The following GRM8 variants were observed in gnomAD, a reference collection of about 807,000 sequenced individuals.
The protein encoded by GRM8 is metabotropic glutamate receptor 8.
In GRM8, 47 loss-of-function variants were observed where a neutral mutation model predicts 87.2. The observed-to-expected ratio is 0.54, with a 90% CI of 0.43 to 0.69. The LOEUF (loss-of-function observed/expected upper bound fraction) is 0.69, where lower values mean the gene tolerates loss of function less well. GRM8 is among the 30% of genes least tolerant of loss of function. The pLI is 0.00. For synonymous variants in GRM8, 396 were observed against 404.5 expected (o/e 0.98, Z 0.25); for missense variants, 1,019 against 1,139.2 (o/e 0.89, Z 1.52).
At chr7:126,642,589 G>A (rs1040138850) in intron 7 of GRM8, among the ~76,000 whole-genome samples, 4 of 151,964 alleles carry the variant, frequency 2.6e-5, no homozygotes, top group Non-Finnish European at 4.4e-5. Context: ...GCAGTGAGCC[G>A]AGATCATGCC....
intron 9 of GRM8, among the ~76,000 whole-genome samples, chr7:126,477,586 A>T (rs1259571135): frequency 1.7e-4 from 10 of 57,542 alleles, no homozygotes; most frequent in African/African-American, 9.3e-4. Flanking sequence ...AAAGAGAGAA[A>T]GAAAGAAAGA....
intron 8 of GRM8, among the ~76,000 whole-genome samples, chr7:126,577,480 G>A (rs150686513): frequency 2.1e-4 from 32 of 151,788 alleles, no homozygotes; most frequent in African/African-American, 6.3e-4. Context: ...CAAGGACAAC[G>A]AAATACAAAT....
intron 8 of GRM8, among the ~76,000 whole-genome samples, chr7:126,544,089 C>T (rs1816853428): frequency 6.6e-6 from 1 of 152,172 alleles, no homozygotes; most frequent in Non-Finnish European, 1.5e-5. Context: ...TCCTCCAAGA[C>T]ATATTTTTAT....
chr7:126,912,145 C>T (rs1167463134), intron 3 of GRM8, among the ~76,000 whole-genome samples: 6 of 152,090 alleles, frequency 3.9e-5, no homozygotes, highest in African/African-American at 1.4e-4. Flanking sequence ...TGCAGTGAGC[C>T]GAGATCCCGC....
intron 3 of GRM8, among the ~76,000 whole-genome samples, chr7:126,927,753 T>A (rs1041707717): frequency 2.6e-5 from 4 of 152,164 alleles, no homozygotes; most frequent in African/African-American, 9.7e-5. Flanking sequence ...ATAGGAACAC[T>A]TTTACACTGT....
rs113139118 is a variant in GRM8 at position 126,820,618 on chromosome 7, C to T, written c.1157-50553G>A. Among the ~76,000 whole-genome samples the T allele has an allele frequency of 6.7e-3, 1,028 of 152,326 alleles. 10 individuals carry two copies. Among genetic ancestry groups the T allele is most frequent in the African/African-American group, 0.023 (946 of 41,560 alleles). On this transcript the variant is annotated intron_variant, in intron 6 of 10. Coordinates refer to ENST00000339582, the MANE Select transcript of GRM8 (RefSeq NM_000845.3). The stretch of plus-strand genomic sequence containing the variant: ...AAAACCATATGAGACAGTAAAACCA[C>T]GGATAGGTGTGGTCTTGCCACCTCA...
chr7:127,106,909 A>G (rs1394413296), intron 2 of GRM8, among the ~76,000 whole-genome samples, 197 bp from the exon 3 acceptor site: 3 of 152,224 alleles, frequency 2.0e-5, no homozygotes, highest in Non-Finnish European at 4.4e-5. Flanking sequence ...TCAATGCACA[A>G]TATTTCTAAA....
chr7:126,453,995 C>T (rs1688720928), intron 9 of GRM8, among the ~76,000 whole-genome samples: 1 of 151,646 alleles, frequency 6.6e-6, no homozygotes, highest in South Asian at 2.1e-4. Context: ...TTTATCACTG[C>T]AGCAGCATGG....
At chr7:126,655,212 T>C (rs1282046445) in intron 7 of GRM8, among the ~76,000 whole-genome samples, 1 of 152,246 alleles carries the variant, frequency 6.6e-6, no homozygotes, top group Non-Finnish European at 1.5e-5. Context: ...TGCCAGTCTA[T>C]CATTCACTCA....
chr7:127,140,878 T>C (rs1828223354), intron 2 of GRM8, among the ~76,000 whole-genome samples: 1 of 151,690 alleles, frequency 6.6e-6, no homozygotes, highest in African/African-American at 2.4e-5. Flanking sequence ...TCCATGTTGA[T>C]AATGTAAGTT....
chr7:127,200,742 T>C (rs969465060), intron 2 of GRM8, among the ~76,000 whole-genome samples: 4 of 152,228 alleles, frequency 2.6e-5, no homozygotes, highest in African/African-American at 9.6e-5. Context: ...TTTTCTCTTC[T>C]TATAAAGACA....
chr7:126,981,567 T>A (rs1270989476), intron 3 of GRM8: 1 of 152,156 alleles, frequency 6.6e-6, no homozygotes, highest in Non-Finnish European at 1.5e-5. Context: ...GTTAATCCAT[T>A]AACTCATTAA....
intron 3 of GRM8, among the ~76,000 whole-genome samples, chr7:126,916,195 T>A (rs990103111): frequency 1.3e-5 from 2 of 152,232 alleles, no homozygotes; most frequent in African/African-American, 4.8e-5. Flanking sequence ...TTACCTGTTC[T>A]GGACTTTAAA....
chr7:127,157,303 G>T (rs919711537), intron 2 of GRM8, among the ~76,000 whole-genome samples: 1 of 151,980 alleles, frequency 6.6e-6, no homozygotes, highest in African/African-American at 2.4e-5. Flanking sequence ...AGGGAAAAAA[G>T]AAGTCAAATG....
chr7:127,049,228 TACAC>T (rs967342330), intron 3 of GRM8, among the ~76,000 whole-genome samples: 9 of 151,636 alleles, frequency 5.9e-5, no homozygotes, highest in African/African-American at 2.2e-4. Flanking sequence ...AACATACACA[TACAC>T]ACACACACAG....
At chr7:126,760,186 C>CA (rs1320856550) in intron 7 of GRM8, among the ~76,000 whole-genome samples, 1 of 152,064 alleles carries the variant, frequency 6.6e-6, no homozygotes, top group African/African-American at 2.4e-5. Context: ...TATCATTCAT[C>CA]CTGCTTTTTT....
chr7:126,941,740 G>A lies in GRM8; in HGVS notation c.728-37057C>T, dbSNP rs139431451. 4.7e-3 allele frequency among the ~76,000 whole-genome samples: 713 copies of A among 152,036 alleles called. 6 individuals are homozygous for A. The highest frequency in any genetic ancestry group is 0.017 in the African/African-American group (689 of 41,462). On this transcript the variant is annotated intron_variant, in intron 3 of 10. Coordinates refer to ENST00000339582, the MANE Select transcript of GRM8 (RefSeq NM_000845.3). ...AACAAGATAATACTCAAATGCAACC[G>A]TGGTTGCAGAATCTATAAACCCAAA... is the stretch of plus-strand genomic sequence containing the variant.
At chr7:127,071,588 T>G (rs1011479990) in intron 3 of GRM8, among the ~76,000 whole-genome samples, 1 of 152,186 alleles carries the variant, frequency 6.6e-6, no homozygotes, top group African/African-American at 2.4e-5. Context: ...TCGGACTGGA[T>G]CAAAAGCTAG....
intron 2 of GRM8, among the ~76,000 whole-genome samples, chr7:127,237,036 A>T (rs538288825): frequency 6.6e-6 from 1 of 152,320 alleles, no homozygotes; most frequent in South Asian, 2.1e-4. Context: ...AAAGTGAGAA[A>T]AGGATCCCCA....
Sources: allele counts gnomAD v4.1 joint callset (sites outside exome capture counted in the v4.1 genomes callset), GRCh38; gene constraint gnomAD v4.1.1; transcripts MANE v1.5; gene names NCBI Gene and HGNC (gene_info 2026-07-23, HGNC 2026-07-21).